TMED10: variants seen among roughly 807,000 people sequenced by gnomAD.
TMED10 encodes transmembrane p24 trafficking protein 10.
TMED10 carries 7 observed loss-of-function variants against 23.1 expected under a neutral mutation model. The ratio of observed to expected loss-of-function variants is 0.30; its 90% CI spans 0.17 to 0.57. TMED10 has a LOEUF of 0.57. TMED10 is among the 20% of genes least tolerant of loss of function. The pLI is 0.91. For synonymous variants in TMED10, 113 were observed against 106.9 expected (o/e 1.06, Z -0.35); for missense variants, 162 against 274.8 (o/e 0.59, Z 2.90).
At chr14:75,161,372 C>T (rs913194525) in intron 1 of TMED10, among the ~76,000 whole-genome samples, 1 of 152,150 alleles carries the variant, frequency 6.6e-6, no homozygotes, top group African/African-American at 2.4e-5. Context: ...AAAGTCTTAT[C>T]AAGAACCTAA....
chr14:75,172,244 T>G (rs972304768), intron 1 of TMED10, among the ~76,000 whole-genome samples: 2 of 152,078 alleles, frequency 1.3e-5, no homozygotes, highest in Non-Finnish European at 2.9e-5. Flanking sequence ...ACAAATTAAC[T>G]TTCAAAAGAT....
intron 1 of TMED10, among the ~76,000 whole-genome samples, chr14:75,154,767 G>T (rs570718476): frequency 1.3e-5 from 2 of 152,094 alleles, no homozygotes; most frequent in African/African-American, 4.8e-5. Flanking sequence ...GGGTTCAAGC[G>T]ATTCTCCTGC....
chr14:75,163,317 T>A (rs933796877), intron 1 of TMED10, among the ~76,000 whole-genome samples: 1 of 150,742 alleles, frequency 6.6e-6, no homozygotes, highest in African/African-American at 2.4e-5. Context: ...CTTTGGGAGG[T>A]TGAGGCAGGC....
chr14:75,146,796 G>GC (rs1455542659), intron 3 of TMED10, among the ~76,000 whole-genome samples: 1 of 151,906 alleles, frequency 6.6e-6, no homozygotes, highest in Admixed American at 6.6e-5. Flanking sequence ...CCTCCATCCT[G>GC]CCCTCTTCCT....
chr14:75,138,021 T>A (rs1409323643), intron 3 of TMED10, among the ~76,000 whole-genome samples: 1 of 152,142 alleles, frequency 6.6e-6, no homozygotes, highest in East Asian at 1.9e-4. Context: ...AATAATTCTG[T>A]TTATATATCT....
chr14:75,147,621 A>G (rs200301284), intron 3 of TMED10, 43 bp downstream of exon 3: 20 of 1,605,540 alleles, frequency 1.2e-5, no homozygotes, highest in Non-Finnish European at 1.6e-5. Context: ...ACCTCACAGC[A>G]TAGCACACTG....
At position 75,135,745 on chromosome 14, in the gene TMED10, C is replaced by T. The variant is rs367878458; in HGVS notation, c.538+15G>A. On this transcript the variant is annotated intron_variant, in intron 4 of 4. Transcript: ENST00000303575. ...TATGGGTCACTTAAGAAGTAAGAGTCGCCTTCCCCCTCACCGTTGGTATCA... is the reference window on the plus strand; with the variant it reads ...TATGGGTCACTTAAGAAGTAAGAGTTGCCTTCCCCCTCACCGTTGGTATCA... 3.5e-5 allele frequency: 57 copies of T among 1,610,742 alleles called. No individual in the cohort carries two copies. Among genetic ancestry groups the T allele is most frequent in the Non-Finnish European group, 4.2e-5 (49 of 1,179,142 alleles).
chr14:75,166,995 G>A (rs918186745), intron 1 of TMED10, among the ~76,000 whole-genome samples: 5 of 146,474 alleles, frequency 3.4e-5, no homozygotes, highest in Non-Finnish European at 5.9e-5. Context: ...AGGCTGGAGT[G>A]CAGTGGCGTG....
At chr14:75,146,346 C>T (rs1040260098) in intron 3 of TMED10, among the ~76,000 whole-genome samples, 16 of 152,214 alleles carry the variant, frequency 1.1e-4, no homozygotes, top group African/African-American at 3.9e-4. Context: ...ATTTCCCTTC[C>T]AAAGTGCTGT....
chr14:75,159,440 G>C (rs1199795270), intron 1 of TMED10, among the ~76,000 whole-genome samples: 1 of 152,170 alleles, frequency 6.6e-6, no homozygotes, highest in Non-Finnish European at 1.5e-5. Context: ...TCCATGCTAA[G>C]GCAAGGAAAG....
At chr14:75,148,049 C>T (rs1300402014) in intron 2 of TMED10, among the ~76,000 whole-genome samples, 1 of 152,070 alleles carries the variant, frequency 6.6e-6, no homozygotes. Flanking sequence ...AGGGAAACCA[C>T]ACAGGCTTAT....
At chr14:75,164,829 T>C (rs571018064) in intron 1 of TMED10, among the ~76,000 whole-genome samples, 2 of 148,950 alleles carry the variant, frequency 1.3e-5, no homozygotes, top group East Asian at 3.9e-4. Context: ...GGCTATTGCA[T>C]GGAAACAGAG....
chr14:75,155,677 G>A (rs1020749323), intron 1 of TMED10, among the ~76,000 whole-genome samples: 14 of 152,188 alleles, frequency 9.2e-5, no homozygotes, highest in Non-Finnish European at 1.8e-4. Context: ...GGATTATGGA[G>A]GGTCAGGGAG....
At chr14:75,141,001 T>C (rs1478635580) in intron 3 of TMED10, among the ~76,000 whole-genome samples, 1 of 152,234 alleles carries the variant, frequency 6.6e-6, no homozygotes, top group Non-Finnish European at 1.5e-5. Context: ...TTTAAACATT[T>C]TAAGGCCTTA....
At chr14:75,151,307 C>T (rs2139843317) in intron 2 of TMED10, among the ~76,000 whole-genome samples, 1 of 152,238 alleles carries the variant, frequency 6.6e-6, no homozygotes, top group East Asian at 1.9e-4. Context: ...GCAACCTCCA[C>T]CTCCTGGGTT....
chr14:75,163,416 G>C (rs1028308554), intron 1 of TMED10, among the ~76,000 whole-genome samples: 15 of 151,930 alleles, frequency 9.9e-5, no homozygotes, highest in Non-Finnish European at 7.4e-5. Context: ...AGCCGGGCAT[G>C]GTGGCACTCG....
chr14:75,174,696 T>C (rs1488195199), intron 1 of TMED10, among the ~76,000 whole-genome samples: 1 of 152,188 alleles, frequency 6.6e-6, no homozygotes, highest in Non-Finnish European at 1.5e-5. Context: ...CACTACTGGG[T>C]TCCACTACTT....
chr14:75,139,863 C>T (rs1217993695), intron 3 of TMED10, among the ~76,000 whole-genome samples: 1 of 152,054 alleles, frequency 6.6e-6, no homozygotes, highest in Non-Finnish European at 1.5e-5. Flanking sequence ...ACACCTAGTA[C>T]ACCATGGATA....
chr14:75,147,021 A>G (rs1895892306), intron 3 of TMED10, among the ~76,000 whole-genome samples: 1 of 152,210 alleles, frequency 6.6e-6, no homozygotes, highest in Non-Finnish European at 1.5e-5. Context: ...GCATTAACAA[A>G]TAACTGAATT....
Sources: gnomAD v4.1 joint callset for allele counts (sites outside exome capture counted in the v4.1 genomes callset) on GRCh38, gnomAD v4.1.1 for gene constraint, MANE v1.5 for transcripts, NCBI Gene and HGNC (gene_info 2026-07-23, HGNC 2026-07-21) for gene names.